Variants in NEK11 observed in about 807,000 individuals in gnomAD.
NEK11 encodes the protein NIMA related kinase 11.
A neutral mutation model predicts 80.7 loss-of-function variants in NEK11; 72 were observed. The observed-to-expected ratio is 0.89, with a 90% CI of 0.74 to 1.08. The LOEUF (loss-of-function observed/expected upper bound fraction) is 1.08. NEK11 is among the 50% of genes least tolerant of loss of function. The pLI, the probability that NEK11 is intolerant of heterozygous loss-of-function variation, is 0.00. For missense variants in NEK11, 764 were observed against 763.6 expected (o/e 1.00, Z -0.01); for synonymous variants, 251 against 260.7 (o/e 0.96, Z 0.36).
Position 131,162,515 on chromosome 3 carries a change from C to T in NEK11, c.1070C>T (p.Ala357Val), listed in dbSNP as rs1292535901. 1 of 1,613,954 alleles carries T rather than the reference C, an allele frequency of 6.2e-7. No homozygotes were observed. Among genetic ancestry groups the T allele is most frequent in the Non-Finnish European group, 8.5e-7 (1 of 1,179,906 alleles). ...LRKLQAADEK[A>V]RKLKKIVEEK... is the part of the protein sequence containing the mutation. ...AAGCTCCAGGCGGCTGATGAGAAAG[C>T]CAGGAAGCTGAAGTAAGCTGCTTTT... Residue 357 changes from alanine (A) to valine (V), a missense_variant, in exon 11 of 18, where the codon GCC becomes GTC. Coordinates refer to ENST00000383366, the MANE Select transcript of NEK11 (RefSeq NM_024800.5).
At chr3:131,042,711 G>A (rs1247475332) in intron 3 of NEK11, among the ~76,000 whole-genome samples, 2 of 152,032 alleles carry the variant, frequency 1.3e-5, no homozygotes, top group African/African-American at 2.4e-5. Context: ...GTTCCTGCCT[G>A]CTGACTCTGA....
chr3:131,295,293 G>A (rs1223318493), intron 17 of NEK11, among the ~76,000 whole-genome samples: 1 of 150,206 alleles, frequency 6.7e-6, no homozygotes, highest in Non-Finnish European at 1.5e-5. Context: ...TTCAGATTTG[G>A]GATTTTTTTT....
At chr3:131,142,821 T>C (rs1013127674) in intron 7 of NEK11, among the ~76,000 whole-genome samples, 4 of 152,174 alleles carry the variant, frequency 2.6e-5, no homozygotes, top group Admixed American at 2.6e-4. Context: ...CACATTCTTA[T>C]GGTATGGAGG....
At chr3:131,244,707 A>G (rs112611725) in intron 16 of NEK11, among the ~76,000 whole-genome samples, 1,536 of 152,114 alleles carry the variant, frequency 0.01, 21 homozygotes, top group African/African-American at 0.033. Flanking sequence ...GGATCACTCG[A>G]GGTCAGGAGT....
At chr3:131,314,659 A>G (rs371994361) in intron 17 of NEK11, among the ~76,000 whole-genome samples, 32 of 152,224 alleles carry the variant, frequency 2.1e-4, no homozygotes, top group African/African-American at 7.7e-4. Context: ...AAACTGGCAC[A>G]ACTTGCCTGC....
intron 17 of NEK11, among the ~76,000 whole-genome samples, chr3:131,274,000 C>G (rs2096247780): frequency 6.6e-6 from 1 of 151,272 alleles, no homozygotes; most frequent in African/African-American, 2.4e-5. Flanking sequence ...GGTACATGTG[C>G]ACATTGTGCA....
intron 17 of NEK11, among the ~76,000 whole-genome samples, chr3:131,323,088 G>A (rs554485517): frequency 3.3e-5 from 5 of 152,280 alleles, no homozygotes; most frequent in African/African-American, 1.2e-4. Context: ...AAGCTTGGCA[G>A]AATAAGGGCC....
At chr3:131,342,931 A>G (rs2097308119) in intron 17 of NEK11, among the ~76,000 whole-genome samples, 2 of 152,222 alleles carry the variant, frequency 1.3e-5, no homozygotes, top group Admixed American at 1.3e-4. Context: ...AAGAAAAAAT[A>G]TATGTATACA....
intron 16 of NEK11, among the ~76,000 whole-genome samples, chr3:131,270,797 G>C (rs1215002918): frequency 6.6e-6 from 1 of 152,104 alleles, no homozygotes; most frequent in Non-Finnish European, 1.5e-5. Context: ...ATAAACTGCA[G>C]CTCTCCTGGA....
intron 14 of NEK11, among the ~76,000 whole-genome samples, chr3:131,214,695 ATGTG>A (rs57370577): frequency 0.038 from 5,593 of 147,636 alleles, 140 homozygotes; most frequent in Non-Finnish European, 0.057. Context: ...ATGTGCGTGC[ATGTG>A]TGTGTGTGTG....
chr3:131,217,617 TG>T (rs777376675), intron 14 of NEK11, among the ~76,000 whole-genome samples: 22 of 152,318 alleles, frequency 1.4e-4, no homozygotes, highest in Non-Finnish European at 2.4e-4. Context: ...CGGGTGAATT[TG>T]GCGTCTTACA....
intron 6 of NEK11, 109 bp downstream of exon 6, chr3:131,132,918 T>C: frequency 1.8e-6 from 1 of 559,602 alleles, no homozygotes; most frequent in South Asian, 2.3e-5. Flanking sequence ...TAATCATTGG[T>C]TTGTTTAAAT....
chr3:131,339,592 A>G (rs966201399), intron 17 of NEK11, among the ~76,000 whole-genome samples: 9 of 152,160 alleles, frequency 5.9e-5, no homozygotes. Context: ...TGGGATTTAT[A>G]AAGTGTGATG....
At chr3:131,225,066 C>T (rs761665747) in intron 14 of NEK11, among the ~76,000 whole-genome samples, 40 of 152,162 alleles carry the variant, frequency 2.6e-4, no homozygotes, top group Non-Finnish European at 4.4e-4. Context: ...TCTAGGCCTT[C>T]GCATTCACTC....
chr3:131,268,129 A>G (rs1045650102), intron 16 of NEK11, among the ~76,000 whole-genome samples: 2 of 152,076 alleles, frequency 1.3e-5, no homozygotes, highest in Non-Finnish European at 2.9e-5. Flanking sequence ...CAGGTCATTT[A>G]TGTTCTTCTC....
intron 4 of NEK11, among the ~76,000 whole-genome samples, chr3:131,099,785 A>G (rs766023594): frequency 7.2e-5 from 11 of 152,176 alleles, no homozygotes; most frequent in African/African-American, 1.2e-4. Context: ...TTATTGGCTT[A>G]TAGAAATGCT....
intron 14 of NEK11, among the ~76,000 whole-genome samples, chr3:131,182,880 G>C (rs2150188302): frequency 6.6e-6 from 1 of 152,268 alleles, no homozygotes; most frequent in South Asian, 2.1e-4. Flanking sequence ...CACATGACCT[G>C]TTTTCTTGGC....
chr3:131,242,165 G>A (rs2095529282), intron 15 of NEK11, among the ~76,000 whole-genome samples: 1 of 152,090 alleles, frequency 6.6e-6, no homozygotes, highest in Non-Finnish European at 1.5e-5. Flanking sequence ...GAAAAAAAAT[G>A]TGGGCATTTG....
chr3:131,300,900 T>G (rs1465491186), intron 17 of NEK11, among the ~76,000 whole-genome samples: 1 of 152,244 alleles, frequency 6.6e-6, no homozygotes, highest in Non-Finnish European at 1.5e-5. Flanking sequence ...AATAGTTTTT[T>G]GTAATACTGT....
Sources: allele counts gnomAD v4.1 joint callset (sites outside exome capture counted in the v4.1 genomes callset), GRCh38; gene constraint gnomAD v4.1.1; transcripts MANE v1.5; gene names NCBI Gene and HGNC (gene_info 2026-07-23, HGNC 2026-07-21).